LGSN: variants seen among roughly 807,000 people sequenced by gnomAD.
LGSN encodes lengsin, lens protein with glutamine synthetase domain.
In LGSN, 21 loss-of-function variants were observed where a neutral mutation model predicts 19.5. The ratio of observed to expected loss-of-function variants is 1.07; its 90% confidence interval spans 0.76 to 1.55. The LOEUF is 1.55. Ranked by LOEUF, LGSN falls within the 40% of genes most tolerant of loss-of-function variation. The pLI is 0.00. For missense variants in LGSN, 673 were observed against 608.5 expected (o/e 1.11, Z -1.12); for synonymous variants, 257 against 215.6 (o/e 1.19, Z -1.68).
chr6:63,505,569 G>GAAAGAAAGAA, the LGSN span, among the ~76,000 whole-genome samples: 2 of 25,108 alleles, frequency 8.0e-5, no homozygotes, highest in African/African-American at 2.1e-4. Flanking sequence ...AAAAAAAAAA[G>GAAAGAAAGAA]AAAGAAAGAA....
At chr6:63,311,711 A>G (rs1458151372) in intron 1 of LGSN, among the ~76,000 whole-genome samples, 1 of 152,206 alleles carries the variant, frequency 6.6e-6, no homozygotes, top group Non-Finnish European at 1.5e-5. Flanking sequence ...GCATGAATTT[A>G]CTTTGGTTCA....
intron 1 of LGSN, among the ~76,000 whole-genome samples, chr6:63,302,167 A>G (rs554253246): frequency 6.6e-6 from 1 of 152,276 alleles, no homozygotes; most frequent in Admixed American, 6.5e-5. Flanking sequence ...TATATTATGA[A>G]TATGTATTTC....
At chr6:63,363,953 T>G in the LGSN span, among the ~76,000 whole-genome samples, 1 of 150,314 alleles carries the variant, frequency 6.7e-6, no homozygotes, top group East Asian at 1.9e-4. Context: ...AGGGAAAAAC[T>G]GGTACCAGCC....
At chr6:63,480,982 T>TACATACATAC in the LGSN span, among the ~76,000 whole-genome samples, 2 of 39,114 alleles carry the variant, frequency 5.1e-5, no homozygotes, top group African/African-American at 1.0e-4. Flanking sequence ...TATATATATA[T>TACATACATAC]ATATACACAC....
the LGSN span, among the ~76,000 whole-genome samples, chr6:63,433,684 T>C: frequency 2.0e-5 from 3 of 152,212 alleles, no homozygotes; most frequent in Non-Finnish European, 4.4e-5. Context: ...TAAGGCTTAA[T>C]ATAAAACACT....
At chr6:63,410,432 C>T in the LGSN span, among the ~76,000 whole-genome samples, 2 of 152,036 alleles carry the variant, frequency 1.3e-5, no homozygotes, top group African/African-American at 4.8e-5. Flanking sequence ...AAATGAGATA[C>T]CTGAGATCAT....
the LGSN span, among the ~76,000 whole-genome samples, chr6:63,366,609 C>G: frequency 1.3e-5 from 2 of 152,056 alleles, no homozygotes; most frequent in Admixed American, 6.5e-5. Context: ...CATATGGAAC[C>G]AAAAAAGAGC....
At chr6:63,342,793 A>G in the LGSN span, among the ~76,000 whole-genome samples, 1 of 152,246 alleles carries the variant, frequency 6.6e-6, no homozygotes, top group Non-Finnish European at 1.5e-5. Flanking sequence ...CAGATATAAC[A>G]CAAGGCTTTC....
the LGSN span, among the ~76,000 whole-genome samples, chr6:63,512,025 G>T: frequency 4.6e-5 from 7 of 152,012 alleles, no homozygotes; most frequent in Non-Finnish European, 1.0e-4. Context: ...AGGTAGTTCT[G>T]CTCCTGGACT....
At chr6:63,497,246 C>T in the LGSN span, among the ~76,000 whole-genome samples, 2 of 152,054 alleles carry the variant, frequency 1.3e-5, no homozygotes, top group Non-Finnish European at 2.9e-5. Flanking sequence ...GGTGGGATTA[C>T]AGGCATGATT....
chr6:63,337,291 T>C, the LGSN span, among the ~76,000 whole-genome samples: 18,378 of 151,688 alleles, frequency 0.12, 1,540 homozygotes, highest in Admixed American at 0.25. Context: ...GGCAAAACCC[T>C]GTCTCTACTG....
At chr6:63,471,331 TA>T in the LGSN span, among the ~76,000 whole-genome samples, 1 of 151,840 alleles carries the variant, frequency 6.6e-6, no homozygotes, top group Non-Finnish European at 1.5e-5. Context: ...AAGAGATCTC[TA>T]CTTAGGAACT....
At chr6:63,453,478 G>A in the LGSN span, among the ~76,000 whole-genome samples, 8 of 152,068 alleles carry the variant, frequency 5.3e-5, no homozygotes, top group African/African-American at 1.9e-4. Flanking sequence ...ATACACTTAG[G>A]ATTGCCAGGT....
At chr6:63,339,408 C>A in the LGSN span, among the ~76,000 whole-genome samples, 4 of 152,106 alleles carry the variant, frequency 2.6e-5, no homozygotes, top group Non-Finnish European at 1.5e-5. Flanking sequence ...TGAATTGATC[C>A]TTTTATCATT....
chr6:63,356,414 T>TG, the LGSN span, among the ~76,000 whole-genome samples: 4 of 151,942 alleles, frequency 2.6e-5, no homozygotes, highest in Non-Finnish European at 4.4e-5. Flanking sequence ...TGGTGGCTCG[T>TG]GCCTGTGATC....
At chr6:63,560,403 T>C in the LGSN span, among the ~76,000 whole-genome samples, 2 of 139,334 alleles carry the variant, frequency 1.4e-5, no homozygotes, top group Non-Finnish European at 3.1e-5. Context: ...ACACAAAGCC[T>C]TTTTTTTTTT....
chr6:63,477,779 C>T, the LGSN span, among the ~76,000 whole-genome samples: 419 of 134,434 alleles, frequency 3.1e-3, 2 homozygotes, highest in African/African-American at 0.011. Context: ...AGAAATCCTC[C>T]TTCCTTGGCC....
At chr6:63,540,478 G>A in the LGSN span, among the ~76,000 whole-genome samples, 10 of 151,706 alleles carry the variant, frequency 6.6e-5, no homozygotes, top group African/African-American at 1.9e-4. Context: ...AAAATTAGCC[G>A]GGTGTGGTGG....
chr6:63,279,951 G>A lies in LGSN; in HGVS notation c.*70C>T. The stretch of plus-strand genomic sequence containing the variant: ...TGCTGTTGTTAATTACAAAAGTTCA[G>A]TCTTTTTGTTTTGGTAGATTAGCTT... On this transcript the variant is annotated 3_prime_UTR_variant, in exon 4 of 4. Transcript: ENST00000370657. The A allele has an allele frequency of 7.2e-7, 1 of 1,392,630 alleles. No individual in the cohort carries two copies. Among genetic ancestry groups the A allele is most frequent in the Non-Finnish European group, 9.7e-7 (1 of 1,026,950 alleles). The allele number at this position is 1,392,630 out of a possible 1,614,324, so 86.3% of individuals were successfully genotyped here.
Sources: allele counts gnomAD v4.1 joint callset (sites outside exome capture counted in the v4.1 genomes callset), GRCh38; gene constraint gnomAD v4.1.1; transcripts MANE v1.5; gene names NCBI Gene and HGNC (gene_info 2026-07-23, HGNC 2026-07-21).